Variants in IQGAP1 observed in about 807,000 individuals in gnomAD.
IQGAP1 encodes IQ motif containing GTPase activating protein 1.
In IQGAP1, 66 loss-of-function variants were observed where a neutral mutation model predicts 215.6. The observed-to-expected ratio is 0.31, with a 90% CI of 0.25 to 0.38. The LOEUF (loss-of-function observed/expected upper bound fraction) is 0.38, where lower values mean the gene tolerates loss of function less well. Ranked by LOEUF, IQGAP1 falls within the 10% of genes least tolerant of loss-of-function variation. IQGAP1 has a pLI of 1.00. For synonymous variants in IQGAP1, 772 were observed against 728.7 expected (o/e 1.06, Z -0.96); for missense variants, 1,712 against 1,997.1 (o/e 0.86, Z 2.72).
intron 2 of IQGAP1, among the ~76,000 whole-genome samples, chr15:90,417,591 T>C (rs1476265210): frequency 6.6e-6 from 1 of 152,194 alleles, no homozygotes; most frequent in Non-Finnish European, 1.5e-5. Flanking sequence ...ACCAGTACCA[T>C]ACCATGCTGT....
At chr15:90,475,941 A>G (rs572960541) in intron 23 of IQGAP1, among the ~76,000 whole-genome samples, 23 of 151,574 alleles carry the variant, frequency 1.5e-4, no homozygotes, top group African/African-American at 5.3e-4. Flanking sequence ...ATTTTTTTTT[A>G]ATTTTATTTT....
intron 4 of IQGAP1, 61 bp from the exon 5 acceptor site, chr15:90,433,658 G>T: frequency 8.2e-6 from 8 of 981,414 alleles, no homozygotes; most frequent in Non-Finnish European, 1.3e-5. Context: ...TTGATGATTG[G>T]TGAATGTCAG....
At chr15:90,404,681 C>T (rs548337368) in intron 2 of IQGAP1, among the ~76,000 whole-genome samples, 17 of 152,190 alleles carry the variant, frequency 1.1e-4, no homozygotes, top group Admixed American at 9.2e-4. Context: ...CAGGTTCAAG[C>T]GATTCTTGTG....
At chr15:90,421,689 G>C (rs900226513) in intron 2 of IQGAP1, among the ~76,000 whole-genome samples, 1 of 152,152 alleles carries the variant, frequency 6.6e-6, no homozygotes, top group Non-Finnish European at 1.5e-5. Context: ...AATTCAGCCA[G>C]GTTTGTTTGT....
intron 2 of IQGAP1, among the ~76,000 whole-genome samples, chr15:90,401,141 C>T (rs1473069871): frequency 1.3e-5 from 2 of 151,972 alleles, no homozygotes; most frequent in East Asian, 3.9e-4. Flanking sequence ...GGCCTGTGGC[C>T]TACCGGATCA....
intron 15 of IQGAP1, among the ~76,000 whole-genome samples, chr15:90,465,050 T>C (rs751071347): frequency 6.6e-6 from 1 of 152,262 alleles, no homozygotes; most frequent in African/African-American, 2.4e-5. Flanking sequence ...ACTCAGACTA[T>C]GCTGTGAGGC....
chr15:90,454,562 C>G lies in IQGAP1; in HGVS notation c.1612+10C>G. On this transcript the variant is annotated intron_variant, in intron 14 of 37. Transcript: ENST00000268182. ...CAAGAGGAACATGAGAGTGAGTTAT[C>G]TTCCTGTCCTCCCCAAATAATGTCA... 1.3e-6 allele frequency: 2 copies of G among 1,535,420 alleles called. No individual in the cohort carries two copies. The highest frequency in any genetic ancestry group is 1.7e-6 in the Non-Finnish European group (2 of 1,143,562).
At chr15:90,464,117 G>A (rs944927749) in intron 15 of IQGAP1, among the ~76,000 whole-genome samples, 1 of 152,050 alleles carries the variant, frequency 6.6e-6, no homozygotes, top group South Asian at 2.1e-4. Context: ...TATTCACATC[G>A]AGCAATCTAA....
At chr15:90,437,115 TAG>T (rs775169666) in intron 5 of IQGAP1, among the ~76,000 whole-genome samples, 1 of 152,126 alleles carries the variant, frequency 6.6e-6, no homozygotes, top group Non-Finnish European at 1.5e-5. Context: ...ACAATCATGG[TAG>T]AAGACAAAGA....
intron 33 of IQGAP1, among the ~76,000 whole-genome samples, chr15:90,489,238 C>T (rs997450347): frequency 6.6e-6 from 1 of 151,720 alleles, no homozygotes; most frequent in Non-Finnish European, 1.5e-5. Context: ...AAGCGATTCT[C>T]CTGCCTCAGC....
chr15:90,453,301 C>T lies in IQGAP1; in HGVS notation c.1487+9C>T, dbSNP rs750229807. 2.1e-5 allele frequency: 33 copies of T among 1,604,430 alleles called. No homozygotes were observed. The highest frequency in any genetic ancestry group is 2.6e-5 in the Non-Finnish European group (31 of 1,174,620). ...GAAGAAAACTGTCAGAGGTGGGTGT[C>T]CAGAGTGAAGGGAATAAATCCATTA... On this transcript the variant is annotated intron_variant, in intron 13 of 37. Transcript: ENST00000268182.
At chr15:90,414,821 G>A (rs60825716) in intron 2 of IQGAP1, among the ~76,000 whole-genome samples, 51,799 of 151,860 alleles carry the variant, frequency 0.34, 9,173 homozygotes, top group African/African-American at 0.43. Context: ...CTGTCTGGAC[G>A]TCCCGTTGAC....
rs754559464 is a variant in IQGAP1, at chr15:90,477,792, G to A, written c.3232G>A (p.Glu1078Lys). The A allele has an allele frequency of 5.1e-5, 83 of 1,613,842 alleles. No homozygotes were observed. Among genetic ancestry groups the A allele is most frequent in the Non-Finnish European group, 6.5e-5 (77 of 1,179,956 alleles). ...LRQILAPVVK[E>K]IMDDKSLNIK... Reference sequence around the variant, plus strand: ...ACAGATCTTGGCCCCAGTCGTGAAGGAAATTATGGATGACAAATCTCTCAA... The same window carrying A: ...ACAGATCTTGGCCCCAGTCGTGAAGAAAATTATGGATGACAAATCTCTCAA... Residue 1078 changes from glutamate to lysine, a missense_variant, in exon 26 of 38, where the codon GAA becomes AAA. Glu to Lys is a moderately conservative substitution (Grantham distance 56). Around this residue, in one of 2 missense-constraint regions of IQGAP1, gnomAD observed 691 missense variants for 923.0 expected, o/e 0.75. Transcript: ENST00000268182.
intron 15 of IQGAP1, among the ~76,000 whole-genome samples, chr15:90,462,137 C>T: frequency 6.6e-6 from 1 of 152,110 alleles, no homozygotes; most frequent in Non-Finnish European, 1.5e-5. Flanking sequence ...CACTGCACTC[C>T]AGTCTGGGCG....
chr15:90,437,407 T>A (rs553425689), intron 5 of IQGAP1, among the ~76,000 whole-genome samples: 2 of 152,270 alleles, frequency 1.3e-5, no homozygotes, highest in Non-Finnish European at 2.9e-5. Flanking sequence ...CAAGTAGGAA[T>A]AAATGAGAAA....
intron 2 of IQGAP1, among the ~76,000 whole-genome samples, chr15:90,395,719 A>C (rs1037475982): frequency 6.6e-6 from 1 of 152,206 alleles, no homozygotes; most frequent in Non-Finnish European, 1.5e-5. Flanking sequence ...TAGGTCTTGG[A>C]CAGGAGGAAG....
intron 15 of IQGAP1, among the ~76,000 whole-genome samples, chr15:90,456,691 C>A (rs1965684733): frequency 6.8e-6 from 1 of 146,102 alleles, no homozygotes; most frequent in South Asian, 2.2e-4. Context: ...GCCTGGCCAA[C>A]ATGGTGAAAC....
Position 90,472,980 on chromosome 15 carries a change from G to A in IQGAP1, c.2319G>A (p.Lys773=). ...QEFRSRMNFL[K]KQIPAITCIQ... is the part of the protein sequence containing the mutation. ...TCCGATCCAGGATGAATTTCCTGAA[G>A]AAACAAATCCCTGCCATCACCTGCA... is the stretch of plus-strand genomic sequence containing the variant. The change falls in exon 19 of 38, where the codon AAG becomes AAA. Residue 773 remains lysine (K), a synonymous_variant. Coordinates refer to ENST00000268182, the MANE Select transcript of IQGAP1 (RefSeq NM_003870.4). The A allele has an allele frequency of 6.2e-7, 1 of 1,614,046 alleles. No individual in the cohort carries two copies. Among genetic ancestry groups the A allele is most frequent in the South Asian group, 1.1e-5 (1 of 91,070 alleles).
At chr15:90,447,174 T>A (rs1965538314) in intron 9 of IQGAP1, among the ~76,000 whole-genome samples, 1 of 152,226 alleles carries the variant, frequency 6.6e-6, no homozygotes, top group African/African-American at 2.4e-5. Context: ...GGATGATTAG[T>A]TGGCTAACAG....
Sources: gnomAD v4.1 joint callset for allele counts (sites outside exome capture counted in the v4.1 genomes callset) on GRCh38, gnomAD v4.1.1 for gene constraint, gnomAD v4.1.1 regional missense constraint, MANE v1.5 for transcripts, NCBI Gene and HGNC (gene_info 2026-07-23, HGNC 2026-07-21) for gene names.